SPG7: variants seen among roughly 807,000 people sequenced by gnomAD.
SPG7 encodes mitochondrial inner membrane m-AAA protease component paraplegin.
A neutral mutation model predicts 81.9 loss-of-function variants in SPG7; 103 were observed. The observed-to-expected ratio is 1.26, with a 90% CI of 1.07 to 1.48. SPG7 has a LOEUF of 1.48. Ranked by LOEUF, SPG7 falls within the 40% of genes most tolerant of loss-of-function variation. The pLI, the probability that SPG7 is intolerant of heterozygous loss-of-function variation, is 0.00. For synonymous variants in SPG7, 534 were observed against 444.2 expected, an observed-to-expected ratio of 1.20 and a Z score of -2.54; for missense variants, 1,241 against 1,087.3, an observed-to-expected ratio of 1.14 and a Z score of -1.99.
At position 89,527,688 on chromosome 16, in the gene SPG7, G is replaced by A. The variant is rs147960110; in HGVS notation, c.758+1220G>A. 8.2e-3 allele frequency among the ~76,000 whole-genome samples: 1,252 copies of A among 152,316 alleles called. 6 individuals carry two copies. The highest frequency in any genetic ancestry group is 0.013 in the Non-Finnish European group (851 of 68,028). ...CACGTATGGACCATGGACCCTGACA[G>A]GTTCCTTAGTAGGACAAATGAGGGG... On this transcript the variant is annotated intron_variant, in intron 5 of 16. Coordinates refer to ENST00000645818, the MANE Select transcript of SPG7 (RefSeq NM_003119.4).
intron 2 of SPG7, among the ~76,000 whole-genome samples, chr16:89,511,839 G>A (rs1043116911): frequency 2.6e-5 from 4 of 152,100 alleles, no homozygotes; most frequent in African/African-American, 4.8e-5. Context: ...CCCACTCAGC[G>A]TCCTGAGTAG....
chr16:89,556,748 C>G (rs1350657872), intron 16 of SPG7, 139 bp from the exon 17 acceptor site: 2 of 751,534 alleles, frequency 2.7e-6, no homozygotes, highest in African/African-American at 3.4e-5. Flanking sequence ...GCCTCCGTGC[C>G]TCCGCTTCCC....
chr16:89,526,921 G>A (rs926208996), intron 5 of SPG7: 5 of 168,236 alleles, frequency 3.0e-5, no homozygotes, highest in Admixed American at 1.5e-4. Context: ...AGCCCCCGAC[G>A]TAGGATGGCG....
intron 3 of SPG7, chr16:89,514,443 C>T (rs2058066488): frequency 1.3e-5 from 2 of 150,298 alleles, no homozygotes; most frequent in Admixed American, 6.7e-5. Context: ...GCCTCAGCCT[C>T]CGAAGTAGCT....
rs760101570 is a variant in SPG7, at chr16:89,550,572, T to G, written c.1742T>G (p.Val581Gly). The G allele has an allele frequency of 3.1e-6, 5 of 1,613,962 alleles. No homozygotes were observed. Among genetic ancestry groups the G allele is most frequent in the Non-Finnish European group, 4.2e-6 (5 of 1,179,976 alleles). Residue 581 changes from valine (V) to glycine (G), a missense_variant, in exon 13 of 17, where the codon GTG becomes GGG. Coordinates refer to ENST00000645818, the MANE Select transcript of SPG7 (RefSeq NM_003119.4). ...TTTCATGAGTCGGGCCACGCCTTGG[T>G]GGGCTGGATGCTGGAGCACACGGAG... ...VAFHESGHAL[V>G]GWMLEHTEAV...
intron 10 of SPG7, 71 bp downstream of exon 10, chr16:89,544,843 C>G (rs1374473659): frequency 6.3e-7 from 1 of 1,580,562 alleles, no homozygotes; most frequent in Non-Finnish European, 8.7e-7. Flanking sequence ...GGTCTGGCCT[C>G]TCCTCTAAGA....
At chr16:89,523,650 C>A (rs1407692347) in intron 3 of SPG7, 2 of 462,882 alleles carry the variant, frequency 4.3e-6, no homozygotes, top group Admixed American at 2.3e-5. Flanking sequence ...GGCGCGATCA[C>A]GGCTCACTGC....
Position 89,550,536 on chromosome 16 carries a change from A to C in SPG7, c.1706A>C (p.Lys569Thr), listed in dbSNP as rs2058623724. 1.2e-6 allele frequency: 2 copies of C among 1,613,884 alleles called. No individual in the cohort carries two copies. The highest frequency in any genetic ancestry group is 2.2e-5 in the South Asian group (2 of 91,088). The change falls in exon 13 of 17, where the codon AAA (lysine) becomes ACA (threonine). Residue 569 changes from lysine (K) to threonine (T), a missense_variant. Transcript: ENST00000645818. ...KSKILSKEEQ[K>T]VVAFHESGHA... ...AAGATCCTGTCCAAGGAAGAACAGA[A>C]AGTGGTTGCGTTTCATGAGTCGGGC...
chr16:89,550,499 G>T lies in SPG7; in HGVS notation c.1669G>T (p.Ala557Ser). 6.2e-7 allele frequency: 1 copy of T among 1,612,462 alleles called. No homozygotes were observed. The highest frequency in any genetic ancestry group is 8.5e-7 in the Non-Finnish European group (1 of 1,179,122). The change falls in exon 13 of 17, where the codon GCC becomes TCC. Residue 557 changes from alanine (A) to serine (S), a missense_variant. Coordinates refer to ENST00000645818, the MANE Select transcript of SPG7 (RefSeq NM_003119.4). The stretch of plus-strand genomic sequence containing the variant: ...ATACCCCGGCATTCTTTCAGGGACT[G>T]CCAAAAAGAGCAAGATCCTGTCCAA... ...YAVERVLAGT[A>S]KKSKILSKEE... is the part of the protein sequence containing the mutation.
At chr16:89,532,683 T>G (rs772254491) in intron 9 of SPG7, 47 bp downstream of exon 9, 1 of 1,608,030 alleles carries the variant, frequency 6.2e-7, no homozygotes, top group Non-Finnish European at 8.5e-7. Context: ...TCAGAGGAGG[T>G]TTTCCGATGT....
chr16:89,526,499 C>G, intron 5 of SPG7, 31 bp downstream of exon 5: 4 of 1,613,524 alleles, frequency 2.5e-6, no homozygotes, highest in African/African-American at 1.3e-5. Context: ...GATGCTTGAA[C>G]TAAACCTAAC....
chr16:89,520,166 A>AC (rs2058166079), intron 3 of SPG7: 1 of 152,592 alleles, frequency 6.6e-6, no homozygotes, highest in Non-Finnish European at 1.5e-5. Context: ...ATCCTGAATA[A>AC]CCGTCCTGGA....
intron 14 of SPG7, 25 bp from the exon 15 acceptor site, chr16:89,553,769 C>T (rs753163503): frequency 1.2e-6 from 2 of 1,612,706 alleles, no homozygotes; most frequent in South Asian, 1.1e-5. Flanking sequence ...GCTGAGGATG[C>T]CTCTGTCTCG....
chr16:89,547,911 C>T (rs2058584379), intron 11 of SPG7, 92 bp from the exon 12 acceptor site: 1 of 945,342 alleles, frequency 1.1e-6, no homozygotes, highest in South Asian at 1.3e-5. Context: ...CCATGCCCGG[C>T]CATCTTTGTT....
At chr16:89,542,083 G>C (rs1368286911) in intron 9 of SPG7, 1 of 152,298 alleles carries the variant, frequency 6.6e-6, no homozygotes, top group Non-Finnish European at 1.5e-5. Context: ...GGGCTCTGCT[G>C]AAGGCCGAGC....
Position 89,557,159 on chromosome 16 carries a change from T to C in SPG7, c.*66T>C, listed in dbSNP as rs1313264077. The C allele has an allele frequency of 6.2e-6, 8 of 1,285,148 alleles. No homozygotes were observed. The highest frequency in any genetic ancestry group is 8.9e-6 in the Non-Finnish European group (8 of 895,144). The allele number at this position is 1,285,148 out of a possible 1,614,324, so 79.6% of individuals were successfully genotyped here. ...GAGGGCTCACTCAGCCACCCTGAGT[T>C]GCTTTTCAGCTGAGGTTTGCACTTC... On this transcript the variant is annotated 3_prime_UTR_variant, in exon 17 of 17. Transcript: ENST00000645818.
chr16:89,527,075 A>T (rs2058273946), intron 5 of SPG7: 2 of 200,228 alleles, frequency 1.0e-5, no homozygotes, highest in Non-Finnish European at 2.1e-5. Flanking sequence ...CTGTAGGTTG[A>T]TAATAATACC....
chr16:89,529,403 G>C, intron 5 of SPG7, 74 bp from the exon 6 acceptor site: 1 of 916,622 alleles, frequency 1.1e-6, no homozygotes, highest in Admixed American at 2.0e-5. Context: ...TGCCAGCAGT[G>C]GTTCTGATTT....
At chr16:89,547,539 T>A in intron 11 of SPG7, 1 of 222,106 alleles carries the variant, frequency 4.5e-6, no homozygotes, top group Admixed American at 5.3e-5. Context: ...CAGCTCCCCG[T>A]GCCTCTCTCC....
Sources: gnomAD v4.1 joint callset for allele counts (sites outside exome capture counted in the v4.1 genomes callset) on GRCh38, gnomAD v4.1.1 for gene constraint, MANE v1.5 for transcripts, NCBI Gene and HGNC (gene_info 2026-07-23, HGNC 2026-07-21) for gene names.